Variants in SRSF11 observed in about 807,000 individuals in gnomAD.
SRSF11 encodes the protein serine and arginine rich splicing factor 11.
In SRSF11, 9 loss-of-function variants were observed where a neutral mutation model predicts 56.0. That is an observed-to-expected ratio of 0.16 (90% CI 0.10 to 0.28). The LOEUF is 0.28. Among genes scored for constraint, SRSF11 ranks in the 10% least tolerant of loss-of-function variants. SRSF11 has a pLI of 1.00. For missense variants in SRSF11, 421 were observed against 600.7 expected (o/e 0.70, Z 3.13); for synonymous variants, 222 against 215.3 (o/e 1.03, Z -0.27).
chr1:70,207,562 G>A (rs1395647145), intron 1 of SRSF11, among the ~76,000 whole-genome samples: 5 of 151,530 alleles, frequency 3.3e-5, no homozygotes, highest in Admixed American at 2.0e-4. Flanking sequence ...AGACACTTCA[G>A]TTGTTTTTAA....
chr1:70,227,510 A>G (rs1672051108), intron 1 of SRSF11, among the ~76,000 whole-genome samples: 1 of 152,146 alleles, frequency 6.6e-6, no homozygotes, highest in Admixed American at 6.5e-5. Flanking sequence ...TCTAATACAC[A>G]TTAGAGTGTA....
intron 1 of SRSF11, among the ~76,000 whole-genome samples, chr1:70,210,302 T>C (rs1669447062): frequency 6.6e-6 from 1 of 151,954 alleles, no homozygotes; most frequent in Non-Finnish European, 1.5e-5. Flanking sequence ...GACTGTAGGC[T>C]CATGCCACCA....
upstream of SRSF11, among the ~76,000 whole-genome samples, chr1:70,216,604 T>C (rs1031183285): frequency 2.6e-5 from 4 of 151,994 alleles, no homozygotes; most frequent in Admixed American, 2.0e-4. Flanking sequence ...GCTAACTTTT[T>C]TGTATTTTTT....
At chr1:70,214,307 C>G (rs60349204) in intron 1 of SRSF11, among the ~76,000 whole-genome samples, 2,022 of 151,960 alleles carry the variant, frequency 0.013, 40 homozygotes, top group African/African-American at 0.044. Context: ...CTGGAGCTTC[C>G]CCAGCCAAAT....
intron 4 of SRSF11, among the ~76,000 whole-genome samples, chr1:70,235,207 A>T (rs1335585374): frequency 6.6e-6 from 1 of 152,178 alleles, no homozygotes; most frequent in Admixed American, 6.5e-5. Context: ...CTTTATGTCA[A>T]AAAGTCTTAA....
At chr1:70,221,218 A>C (rs541955087), upstream of SRSF11, among the ~76,000 whole-genome samples, 2 of 152,200 alleles carry the variant, frequency 1.3e-5, no homozygotes, top group Non-Finnish European at 2.9e-5. Flanking sequence ...AGAGAGAAGA[A>C]AAAGAAGAAT....
chr1:70,231,595 ATCTCTCTT>A, intron 2 of SRSF11: 1 of 1,128,902 alleles, frequency 8.9e-7, no homozygotes, highest in African/African-American at 1.6e-5. Flanking sequence ...TGTTTTACCT[ATCTCTCTT>A]TCTCTCTCAC....
chr1:70,239,476 A>T lies in SRSF11; in HGVS notation c.756A>T (p.Arg252Ser). Residue 252 changes from arginine to serine, a missense_variant, in exon 7 of 12, where the codon AGA becomes AGT. Arg to Ser is a moderately radical substitution (Grantham distance 110). This residue lies in a region of SRSF11 where 253 missense variants were observed against 305.8 expected (regional missense o/e 0.83). Transcript: ENST00000370949. The part of the protein sequence containing the change: ...KEEKRRHSRS[R>S]SRSRRRRTPS... Reference sequence around the variant, plus strand: ...AAAAAAGAAGGCATTCAAGATCAAGATCACGTTCTAGGAGGAGGAGGACTC... The same window carrying T: ...AAAAAAGAAGGCATTCAAGATCAAGTTCACGTTCTAGGAGGAGGAGGACTC... 1.2e-6 allele frequency: 2 copies of T among 1,609,698 alleles called. No individual in the cohort carries two copies. Among genetic ancestry groups the T allele is most frequent in the Non-Finnish European group, 1.7e-6 (2 of 1,178,604 alleles).
intron 1 of SRSF11, among the ~76,000 whole-genome samples, chr1:70,227,206 A>G (rs372912287): frequency 1.3e-4 from 20 of 152,270 alleles, no homozygotes; most frequent in African/African-American, 4.8e-4. Flanking sequence ...TGAATCTGAA[A>G]TTCTTAGTAT....
In SRSF11 at chr1:70,211,096, T is replaced by G. The variant is rs142745202; in HGVS notation, c.-26+5316T>G. Among the ~76,000 whole-genome samples the G allele has an allele frequency of 2.8e-4, 43 of 152,304 alleles. 1 individual carries two copies. The East Asian group carries it at 8.3e-3, about 29-fold the overall frequency. On this transcript the variant is annotated intron_variant, in intron 1 of 12. Coordinates refer to the SRSF11 transcript ENST00000370950. ...ACCTTTAAAAGCTAGTGCAGTATTC[T>G]TGCTCTTTTTTCCAAGACTAATATG...
chr1:70,241,144 C>T (rs1433697256), intron 7 of SRSF11, among the ~76,000 whole-genome samples: 1 of 152,150 alleles, frequency 6.6e-6, no homozygotes, highest in Non-Finnish European at 1.5e-5. Flanking sequence ...CAGTTGTCTG[C>T]CTTTTCTTAG....
chr1:70,231,802 C>A (rs1672895460), intron 2 of SRSF11: 1 of 1,365,456 alleles, frequency 7.3e-7, no homozygotes. Context: ...ATATTATTAA[C>A]CCCTAAATCA....
chr1:70,222,615 T>G (rs1293319812), intron 1 of SRSF11, among the ~76,000 whole-genome samples: 3 of 152,198 alleles, frequency 2.0e-5, no homozygotes, highest in Non-Finnish European at 2.9e-5. Context: ...AGAAGTAAGA[T>G]AAAGTGTACT....
At chr1:70,242,456 T>C (rs1675675641) in intron 7 of SRSF11, among the ~76,000 whole-genome samples, 1 of 136,466 alleles carries the variant, frequency 7.3e-6, no homozygotes, top group South Asian at 2.8e-4. Context: ...CCACCACACC[T>C]GGCTAATTTT....
intron 1 of SRSF11, among the ~76,000 whole-genome samples, chr1:70,224,494 G>C (rs1250462652): frequency 6.6e-6 from 1 of 152,086 alleles, no homozygotes; most frequent in Non-Finnish European, 1.5e-5. Flanking sequence ...CTCTCCTGTA[G>C]AATATGAGGT....
chr1:70,213,882 T>C (rs1669778354), intron 1 of SRSF11, among the ~76,000 whole-genome samples: 1 of 152,178 alleles, frequency 6.6e-6, no homozygotes, highest in Non-Finnish European at 1.5e-5. Context: ...TTAATCACTC[T>C]AGCACCTTTT....
chr1:70,224,421 T>A (rs1671325908), intron 1 of SRSF11, among the ~76,000 whole-genome samples: 1 of 152,192 alleles, frequency 6.6e-6, no homozygotes, highest in Non-Finnish European at 1.5e-5. Flanking sequence ...TGCTTTATTC[T>A]CCTTAACACT....
At position 70,250,709 on chromosome 1, in the gene SRSF11, G is replaced by A. The variant is rs1677821777; in HGVS notation, c.1359G>A (p.Lys453=). Residue 453 remains lysine, a synonymous_variant, in exon 12 of 12, where the codon AAG becomes AAA. Transcript: ENST00000370949. ...KPIETGSPKT[K]ECSVEKGTGD... The stretch of plus-strand genomic sequence containing the variant: ...TAGAAACAGGTTCCCCTAAAACAAA[G>A]GAATGTTCTGTGGAAAAGGGAACTG... 2 of 1,613,990 alleles carry A rather than the reference G, an allele frequency of 1.2e-6. No individual in the cohort carries two copies. Among genetic ancestry groups the A allele is most frequent in the South Asian group, 1.1e-5 (1 of 91,068 alleles).
At chr1:70,211,798 A>G (rs2100473116) in intron 1 of SRSF11, among the ~76,000 whole-genome samples, 1 of 152,300 alleles carries the variant, frequency 6.6e-6, no homozygotes, top group Non-Finnish European at 1.5e-5. Flanking sequence ...CTATGATGCA[A>G]ATCTGTGAAC....
Sources: gnomAD v4.1 joint callset for allele counts (sites outside exome capture counted in the v4.1 genomes callset) on GRCh38, gnomAD v4.1.1 for gene constraint, gnomAD v4.1.1 regional missense constraint, MANE v1.5 for transcripts, NCBI Gene and HGNC (gene_info 2026-07-23, HGNC 2026-07-21) for gene names.